RAPGEF4: variants seen among roughly 807,000 people sequenced by gnomAD.
RAPGEF4 encodes Rap guanine nucleotide exchange factor 4.
RAPGEF4 carries 66 observed loss-of-function variants against 147.9 expected under a neutral mutation model. That is an observed-to-expected ratio of 0.45 (90% confidence interval 0.37 to 0.55). The LOEUF (loss-of-function observed/expected upper bound fraction) is 0.55. RAPGEF4 is among the 20% of genes least tolerant of loss of function. The probability of loss-of-function intolerance (pLI) is 0.00; values close to 1 mark genes in which losing one functional copy is unlikely to be tolerated. For missense variants in RAPGEF4, 1,071 were observed against 1,257.3 expected, an observed-to-expected ratio of 0.85 and a Z score of 2.24; for synonymous variants, 419 against 442.7, an observed-to-expected ratio of 0.95 and a Z score of 0.67.
At chr2:172,875,600 G>T (rs1467832647) in intron 4 of RAPGEF4, among the ~76,000 whole-genome samples, 2 of 152,124 alleles carry the variant, frequency 1.3e-5, no homozygotes, top group Non-Finnish European at 2.9e-5. Context: ...CTGTTCCATT[G>T]TTCTATATCT....
In RAPGEF4 at chr2:172,946,514, C is replaced by T. The variant is rs183627650; in HGVS notation, c.538-14246C>T. On this transcript the variant is annotated intron_variant, in intron 6 of 30. Transcript: ENST00000397081. ...CTTCCTACACTTTCTCTCACCTCCT[C>T]CCAACTCCAGCTGTAGGCTACAGCC... 2.6e-5 allele frequency among the ~76,000 whole-genome samples: 4 copies of T among 152,288 alleles called. No homozygotes were observed. In the East Asian group the frequency reaches 7.7e-4, roughly 29 times the overall value.
intron 17 of RAPGEF4, among the ~76,000 whole-genome samples, chr2:173,013,298 G>A (rs770100622): frequency 6.6e-5 from 10 of 152,134 alleles, no homozygotes; most frequent in African/African-American, 9.7e-5. Flanking sequence ...GGGGGCTTTG[G>A]GTAATGGGAA....
Position 173,051,752 on chromosome 2 carries a change from G to A in RAPGEF4, c.3021G>A (p.Glu1007=). 2 of 1,613,866 alleles carry A rather than the reference G, an allele frequency of 1.2e-6. No homozygotes were observed. The highest frequency in any genetic ancestry group is 1.7e-6 in the Non-Finnish European group (2 of 1,179,872). Residue 1007 remains glutamate (E), a synonymous_variant, in exon 31 of 31, where the codon GAG becomes GAA. Transcript: ENST00000397081. ...TATCACAGATGTCACACAGATTAGA[G>A]CCTCGTCGACCATAGACATTTCAAA... ...RTLSQMSHRL[E]PRRP is the part of the protein sequence containing the mutation.
At position 173,042,571 on chromosome 2, in the gene RAPGEF4, C is replaced by T. The variant is rs1273937349; in HGVS notation, c.2853+5879C>T. ...CCAGGTGGCAGAGGTTGCAGTGAGC[C>T]GAGATCGTGCCACTGCACTCCAACC... On this transcript the variant is annotated intron_variant, in intron 29 of 30. Transcript: ENST00000397081. This position sits in a 1 kb window ranked among gnomAD's most constrained non-coding sequence, Gnocchi z 4.2. 6.6e-5 allele frequency among the ~76,000 whole-genome samples: 10 copies of T among 151,816 alleles called. No homozygotes were observed. The East Asian group carries it at 9.7e-4, about 15-fold the overall frequency.
intron 4 of RAPGEF4, among the ~76,000 whole-genome samples, chr2:172,853,480 G>A (rs1381233844): frequency 6.6e-6 from 1 of 151,882 alleles, no homozygotes. Flanking sequence ...ACACTGCAAA[G>A]AACCAACTTT....
Position 172,797,574 on chromosome 2 carries a change from G to C in RAPGEF4, c.258G>C (p.Gly86=), listed in dbSNP as rs1292833109. 2 of 1,613,652 alleles carry C rather than the reference G, an allele frequency of 1.2e-6. No homozygotes were observed. Among genetic ancestry groups the C allele is most frequent in the Non-Finnish European group, 1.7e-6 (2 of 1,179,886 alleles). ...CAAACTGGTATGCTGTCCTGGCAGG[G>C]TCTTTGGATGTTAAAGTATCTGAGA... ...IGTNWYAVLA[G]SLDVKVSETS... Residue 86 remains glycine (G), a synonymous_variant, in exon 3 of 31, where the codon GGG becomes GGC. Coordinates refer to ENST00000397081, the MANE Select transcript of RAPGEF4 (RefSeq NM_007023.4).
In RAPGEF4 at chr2:173,014,600, A is replaced by G. The variant is rs777158731; in HGVS notation, c.1795A>G (p.Met599Val). The change falls in exon 18 of 31, where the codon ATG (methionine) becomes GTG (valine). Residue 599 changes from methionine (M) to valine (V), a missense_variant. Met to Val is a conservative substitution (Grantham distance 21, BLOSUM62 1). Coordinates refer to ENST00000397081, the MANE Select transcript of RAPGEF4 (RefSeq NM_007023.4). ...CCTCCTGCAAGAGGATGACGTGTCT[A>G]TGGCCTTCCTGGAGGTAGGCAGGGG... is the stretch of plus-strand genomic sequence containing the variant. ...GDLLQEDDVS[M>V]AFLEEFYVSV... 20 of 1,613,406 alleles carry G rather than the reference A, an allele frequency of 1.2e-5. 1 individual carries two copies. The highest frequency in any genetic ancestry group is 4.4e-5 in the South Asian group (4 of 90,998).
chr2:172,994,029 C>T (rs918661290), intron 15 of RAPGEF4, among the ~76,000 whole-genome samples: 1 of 152,182 alleles, frequency 6.6e-6, no homozygotes, highest in Non-Finnish European at 1.5e-5. Context: ...GATGTCCAAA[C>T]AAAGAATACC....
chr2:172,819,074 G>C (rs1221224313), intron 4 of RAPGEF4, among the ~76,000 whole-genome samples: 1 of 152,158 alleles, frequency 6.6e-6, no homozygotes, highest in African/African-American at 2.4e-5. Flanking sequence ...TGAGGTGGCA[G>C]CTTGGCACTT....
chr2:172,974,168 T>G (rs1690811314), intron 10 of RAPGEF4, among the ~76,000 whole-genome samples: 1 of 152,172 alleles, frequency 6.6e-6, no homozygotes, highest in African/African-American at 2.4e-5. Flanking sequence ...TTACTCCCAT[T>G]TTATGGACAA....
intron 15 of RAPGEF4, among the ~76,000 whole-genome samples, chr2:172,995,162 C>G (rs1693206367): frequency 6.6e-6 from 1 of 152,126 alleles, no homozygotes; most frequent in Non-Finnish European, 1.5e-5. Context: ...AAGTCTCAAA[C>G]AGGCAAGGAA....
At chr2:172,951,660 G>A (rs1335738854) in intron 6 of RAPGEF4, among the ~76,000 whole-genome samples, 2 of 152,196 alleles carry the variant, frequency 1.3e-5, no homozygotes, top group Admixed American at 1.3e-4. Flanking sequence ...GGCTGTCTGG[G>A]AAGAGTGCAT....
chr2:172,766,224 A>T (rs1211576732), intron 1 of RAPGEF4, among the ~76,000 whole-genome samples: 2 of 152,144 alleles, frequency 1.3e-5, no homozygotes, highest in African/African-American at 4.8e-5. Context: ...AATAAAGTAC[A>T]CATATCTAGA....
At chr2:172,826,467 A>G (rs956622969) in intron 4 of RAPGEF4, among the ~76,000 whole-genome samples, 1 of 152,208 alleles carries the variant, frequency 6.6e-6, no homozygotes, top group African/African-American at 2.4e-5. Context: ...TTTAAAGTTT[A>G]TAGAATTGCC....
Position 172,960,755 on chromosome 2 carries a change from T to C in RAPGEF4, c.538-5T>C. On this transcript the variant is annotated splice_polypyrimidine_tract_variant and splice_region_variant and intron_variant, in intron 6 of 30. Transcript: ENST00000397081. ...TTTCTTTTGCTTTAACATTTTATTT[T>C]TCAGACACCTCTCATTGAACCTCAC... 1 of 1,596,034 alleles carries C rather than the reference T, an allele frequency of 6.3e-7. No homozygotes were observed. Among genetic ancestry groups the C allele is most frequent in the Non-Finnish European group, 8.5e-7 (1 of 1,169,756 alleles).
At chr2:172,942,572 A>C (rs1414991543) in intron 6 of RAPGEF4, among the ~76,000 whole-genome samples, 1 of 150,338 alleles carries the variant, frequency 6.7e-6, no homozygotes, top group Admixed American at 6.6e-5. Context: ...GTCTGGTAAA[A>C]AAAAAAAAAA....
intron 2 of RAPGEF4, among the ~76,000 whole-genome samples, chr2:172,796,829 G>C (rs1270552440): frequency 6.6e-6 from 1 of 152,192 alleles, no homozygotes; most frequent in Non-Finnish European, 1.5e-5. Context: ...AAAATATCAA[G>C]TCACTCCATC....
chr2:172,816,959 A>G (rs1688572539), intron 4 of RAPGEF4, among the ~76,000 whole-genome samples: 1 of 152,242 alleles, frequency 6.6e-6, no homozygotes, highest in Non-Finnish European at 1.5e-5. Context: ...AATAAACCCC[A>G]TTATCTAGCA....
At chr2:172,995,890 C>G (rs966392380) in intron 15 of RAPGEF4, among the ~76,000 whole-genome samples, 4 of 152,178 alleles carry the variant, frequency 2.6e-5, no homozygotes, top group Non-Finnish European at 4.4e-5. Context: ...CATTCATGAT[C>G]TACTGGGGTT....
Sources: gnomAD v4.1 joint callset for allele counts (sites outside exome capture counted in the v4.1 genomes callset) on GRCh38, gnomAD v4.1.1 for gene constraint, Gnocchi (gnomAD v3.1) non-coding constraint, MANE v1.5 for transcripts, NCBI Gene and HGNC (gene_info 2026-07-23, HGNC 2026-07-21) for gene names.